The following DCAF13 variants were observed in gnomAD, a reference collection of about 807,000 sequenced individuals.
DCAF13 encodes DDB1- and CUL4-associated factor 13.
Under a neutral mutation model 59.0 loss-of-function variants are expected in DCAF13, and 38 were observed. The observed-to-expected ratio is 0.64, with a 90% CI of 0.50 to 0.84. The LOEUF (loss-of-function observed/expected upper bound fraction) is 0.84, where lower values mean the gene tolerates loss of function less well. Ranked by LOEUF, DCAF13 falls within the 40% of genes least tolerant of loss-of-function variation. DCAF13 has a pLI of 0.00. For missense variants in DCAF13, 469 were observed against 558.4 expected (o/e 0.84, Z 1.61); for synonymous variants, 173 against 175.0 (o/e 0.99, Z 0.09).
intron 8 of DCAF13, 116 bp downstream of exon 8, chr8:103,435,906 T>C (rs1208171053): frequency 9.2e-7 from 1 of 1,082,794 alleles, no homozygotes; most frequent in Non-Finnish European, 1.4e-6. Context: ...CAGAGTGCAC[T>C]TAAACAAAAC....
intron 8 of DCAF13, among the ~76,000 whole-genome samples, chr8:103,436,116 C>T (rs1014774012): frequency 2.9e-4 from 44 of 152,176 alleles, no homozygotes; most frequent in African/African-American, 1.1e-3. Flanking sequence ...GGACCACTGT[C>T]GTATATGCAG....
At chr8:103,433,308 A>G (rs1265352386) in intron 7 of DCAF13, among the ~76,000 whole-genome samples, 9 of 152,292 alleles carry the variant, frequency 5.9e-5, no homozygotes, top group Admixed American at 5.2e-4. Flanking sequence ...GTTCAGTCAG[A>G]TGGAAGAAAA....
intron 1 of DCAF13, among the ~76,000 whole-genome samples, chr8:103,416,494 G>C (rs546450622): frequency 8.5e-5 from 13 of 152,178 alleles, no homozygotes; most frequent in African/African-American, 3.1e-4. Flanking sequence ...ATCTCAGTGC[G>C]TTTCAGTCAT....
chr8:103,435,524 G>C (rs1478632946), intron 7 of DCAF13, 102 bp from the exon 8 acceptor site: 3 of 954,514 alleles, frequency 3.1e-6, no homozygotes, highest in South Asian at 1.9e-5. Context: ...GTTTAGATGT[G>C]CATTGTTTTG....
chr8:103,432,293 T>A (rs1816876462), intron 6 of DCAF13, among the ~76,000 whole-genome samples: 1 of 152,188 alleles, frequency 6.6e-6, no homozygotes, highest in African/African-American at 2.4e-5. Flanking sequence ...ACAGGTCAGT[T>A]CAAATCATAC....
chr8:103,439,479 C>T (rs2130497346), intron 8 of DCAF13: 1 of 147,956 alleles, frequency 6.8e-6, no homozygotes, highest in Non-Finnish European at 1.5e-5. Context: ...ATCTCTGCCT[C>T]CCAGGTTCAA....
chr8:103,417,227 G>C (rs1181233437), intron 1 of DCAF13, among the ~76,000 whole-genome samples: 2 of 152,112 alleles, frequency 1.3e-5, no homozygotes, highest in Non-Finnish European at 2.9e-5. Flanking sequence ...ACAGTACAGT[G>C]CGAAAGTGAG....
rs1816805022 is a variant in DCAF13 at position 103,427,210 on chromosome 8, G to T, written c.582G>T (p.Trp194Cys). The change falls in exon 5 of 11, where the codon TGG (tryptophan) becomes TGT (cysteine). Residue 194 changes from tryptophan (W) to cysteine (C), a missense_variant. This residue lies in a region of DCAF13 where 355 missense variants were observed against 399.1 expected (regional missense o/e 0.89). Coordinates refer to ENST00000612750, the MANE Select transcript of DCAF13 (RefSeq NM_015420.7). The stretch of plus-strand genomic sequence containing the variant: ...CTAATCCTATATGTTCAATGACCTG[G>T]GGATTTGACAGTATAAGTAGTGTTA... The part of the protein sequence containing the change: ...QRTNPICSMT[W>C]GFDSISSVKF... The T allele has an allele frequency of 6.2e-7, 1 of 1,613,610 alleles. No individual in the cohort carries two copies. Among genetic ancestry groups the T allele is most frequent in the Non-Finnish European group, 8.5e-7 (1 of 1,179,708 alleles).
chr8:103,426,215 AT>A, intron 4 of DCAF13, 70 bp downstream of exon 4: 2 of 908,352 alleles, frequency 2.2e-6, no homozygotes, highest in Non-Finnish European at 3.3e-6. Context: ...TATAGTTATA[AT>A]TTCCTAAGAT....
At chr8:103,433,023 C>T (rs1816885978) in intron 7 of DCAF13, among the ~76,000 whole-genome samples, 1 of 152,166 alleles carries the variant, frequency 6.6e-6, no homozygotes, top group African/African-American at 2.4e-5. Flanking sequence ...AATATGGCCA[C>T]ACCCACTTAC....
intron 6 of DCAF13, among the ~76,000 whole-genome samples, chr8:103,431,679 G>A (rs958250503): frequency 1.3e-5 from 2 of 152,082 alleles, no homozygotes; most frequent in East Asian, 1.9e-4. Context: ...GCAGCACTTC[G>A]CTGAGAATAA....
Position 103,442,825 on chromosome 8 carries a change from TG to T in DCAF13, c.1283del (p.Gly428AspfsTer13). 6.2e-7 allele frequency: 1 copy of T among 1,607,022 alleles called. No homozygotes were observed. Among genetic ancestry groups the T allele is most frequent in the Non-Finnish European group, 8.5e-7 (1 of 1,177,790 alleles). ...EVNRIKHSKP[G>X]SVPLVSEKKK... ...TGAATCGTATTAAACACAGCAAGCCTGGATCTGTGCCACTTGTGTCAGAGAA... is the reference window on the plus strand; with the variant it reads ...TGAATCGTATTAAACACAGCAAGCCTGATCTGTGCCACTTGTGTCAGAGAA... On this transcript the variant is annotated frameshift_variant, in exon 11 of 11. Coordinates refer to ENST00000612750, the MANE Select transcript of DCAF13 (RefSeq NM_015420.7). LOFTEE classifies it high-confidence loss of function.
rs1816852246 is a variant in DCAF13, at chr8:103,430,700, G to C, written c.702+11G>C. 6.2e-7 allele frequency: 1 copy of C among 1,602,368 alleles called. No homozygotes were observed. Among genetic ancestry groups the C allele is most frequent in the Admixed American group, 1.7e-5 (1 of 58,962 alleles). ...ACTCCTTTGAAAAAGGTGAGTTTCA[G>C]TTTTGACTTTTGCTTTATACAGTTG... is the stretch of plus-strand genomic sequence containing the variant. On this transcript the variant is annotated intron_variant, in intron 6 of 10. Transcript: ENST00000612750.
intron 3 of DCAF13, among the ~76,000 whole-genome samples, chr8:103,422,077 G>A (rs934782377): frequency 6.6e-6 from 1 of 152,178 alleles, no homozygotes; most frequent in Non-Finnish European, 1.5e-5. Flanking sequence ...ATAATAAGAG[G>A]CTACCTTATT....
intron 3 of DCAF13, among the ~76,000 whole-genome samples, chr8:103,423,787 C>A (rs1252579193): frequency 2.6e-5 from 4 of 152,126 alleles, no homozygotes; most frequent in Non-Finnish European, 5.9e-5. Flanking sequence ...AAATATATAT[C>A]TTTTATTTGT....
chr8:103,416,679 GATT>G (rs1345474967), intron 1 of DCAF13, among the ~76,000 whole-genome samples: 1 of 152,150 alleles, frequency 6.6e-6, no homozygotes, highest in Non-Finnish European at 1.5e-5. Flanking sequence ...ATTGTCTCAT[GATT>G]ATTATTTTGG....
At position 103,440,150 on chromosome 8, in the gene DCAF13, C is replaced by A; in HGVS notation, c.965C>A (p.Thr322Lys). 2.5e-6 allele frequency: 4 copies of A among 1,586,920 alleles called. No individual in the cohort carries two copies. Among genetic ancestry groups the A allele is most frequent in the Non-Finnish European group, 3.4e-6 (4 of 1,171,120 alleles). Residue 322 changes from threonine to lysine, a missense_variant, in exon 9 of 11, where the codon ACA (threonine) becomes AAA (lysine). This residue lies in a region of DCAF13 where 355 missense variants were observed against 399.1 expected (regional missense o/e 0.89). Coordinates refer to ENST00000612750, the MANE Select transcript of DCAF13 (RefSeq NM_015420.7). ...GTTTTCTATAGGGAGGTATATCATA[C>A]AAAGAGAATGCAACATGTTATCTGT... ...DKSRSREVYH[T>K]KRMQHVICVK...
intron 1 of DCAF13, among the ~76,000 whole-genome samples, chr8:103,418,261 A>G (rs966622397): frequency 6.6e-6 from 1 of 152,206 alleles, no homozygotes; most frequent in Non-Finnish European, 1.5e-5. Flanking sequence ...GCTCACATTC[A>G]TAAACCCAAC....
intron 7 of DCAF13, among the ~76,000 whole-genome samples, chr8:103,433,659 T>C (rs1816895307): frequency 6.6e-6 from 1 of 151,984 alleles, no homozygotes; most frequent in Non-Finnish European, 1.5e-5. Flanking sequence ...TTTTATGACT[T>C]TCTGCTAAAA....
Sources: allele counts gnomAD v4.1 joint callset (sites outside exome capture counted in the v4.1 genomes callset), GRCh38; gene constraint gnomAD v4.1.1; regional missense constraint gnomAD v4.1.1; transcripts MANE v1.5; gene names NCBI Gene and HGNC (gene_info 2026-07-23, HGNC 2026-07-21).